MIX23: variants seen among roughly 807,000 people sequenced by gnomAD.
MIX23 encodes the protein mitochondrial matrix import factor 23.
MIX23 carries 13 observed loss-of-function variants against 21.6 expected under a neutral mutation model. The ratio of observed to expected loss-of-function variants is 0.60; its 90% CI spans 0.39 to 0.96. The LOEUF (loss-of-function observed/expected upper bound fraction) is 0.96, where lower values mean the gene tolerates loss of function less well. Ranked by LOEUF, MIX23 falls within the 40% of genes least tolerant of loss-of-function variation. The probability of loss-of-function intolerance (pLI) is 0.00; values close to 1 mark genes in which losing one functional copy is unlikely to be tolerated. For missense variants in MIX23, 144 were observed against 171.2 expected (o/e 0.84, Z 0.89); for synonymous variants, 59 against 58.0 (o/e 1.02, Z -0.08).
intron 3 of MIX23, among the ~76,000 whole-genome samples, chr3:122,367,250 C>T (rs145912224): frequency 8.2e-4 from 125 of 152,074 alleles, no homozygotes; most frequent in African/African-American, 2.9e-3. Flanking sequence ...AGGTAAAGGG[C>T]ACATGGGAGT....
chr3:122,363,125 C>T (rs1178630218), intron 3 of MIX23, 98 bp from the exon 4 acceptor site: 16 of 903,380 alleles, frequency 1.8e-5, no homozygotes, highest in African/African-American at 3.4e-5. Flanking sequence ...CTCATGTTTA[C>T]CCAACAAAAC....
intron 1 of MIX23, among the ~76,000 whole-genome samples, chr3:122,377,177 T>A (rs544136066): frequency 6.6e-6 from 1 of 152,126 alleles, no homozygotes; most frequent in Non-Finnish European, 1.5e-5. Flanking sequence ...CGAGACTCCA[T>A]CTCCGAAAAG....
At chr3:122,364,654 A>G (rs1341611066) in intron 3 of MIX23, among the ~76,000 whole-genome samples, 2 of 152,204 alleles carry the variant, frequency 1.3e-5, no homozygotes, top group Non-Finnish European at 2.9e-5. Context: ...GAGACAGGGA[A>G]TCCTCCCCTG....
rs2075442548 is a variant in MIX23, at chr3:122,371,660, A to C, written c.177+15T>G. The stretch of plus-strand genomic sequence containing the variant: ...AAGGCATGAAAGAAGCAAAAGACTC[A>C]AAAAATACACTTACAGACTCATAAA... On this transcript the variant is annotated intron_variant, in intron 2 of 4. Coordinates refer to ENST00000291458, the MANE Select transcript of MIX23 (RefSeq NM_001017928.4). 2 of 1,610,876 alleles carry C rather than the reference A, an allele frequency of 1.2e-6. No homozygotes were observed. Among genetic ancestry groups the C allele is most frequent in the South Asian group, 2.2e-5 (2 of 90,802 alleles).
chr3:122,368,151 G>C, intron 3 of MIX23, 25 bp downstream of exon 3: 1 of 1,606,296 alleles, frequency 6.2e-7, no homozygotes, highest in Non-Finnish European at 8.5e-7. Flanking sequence ...CTTTGCCTGA[G>C]AAATGTTAAT....
At chr3:122,364,034 A>G (rs1206172694) in intron 3 of MIX23, among the ~76,000 whole-genome samples, 1 of 152,204 alleles carries the variant, frequency 6.6e-6, no homozygotes, top group Non-Finnish European at 1.5e-5. Context: ...CAGATTTGGG[A>G]ACAAAATGTC....
intron 4 of MIX23, 57 bp downstream of exon 4, chr3:122,362,911 C>T: frequency 6.9e-7 from 1 of 1,449,568 alleles, no homozygotes; most frequent in Non-Finnish European, 9.6e-7. Flanking sequence ...CCTTGGTTTC[C>T]CTTTGCTAGT....
intron 2 of MIX23, 34 bp downstream of exon 2, chr3:122,371,641 T>C (rs375667669): frequency 1.5e-5 from 24 of 1,609,244 alleles, no homozygotes; most frequent in Non-Finnish European, 1.7e-5. Flanking sequence ...AAGAAAGGCA[T>C]GAAAGAAGCA....
chr3:122,374,181 G>C (rs754441347), intron 1 of MIX23, among the ~76,000 whole-genome samples: 3 of 148,038 alleles, frequency 2.0e-5, no homozygotes, highest in Non-Finnish European at 3.0e-5. Flanking sequence ...AAACTGAACT[G>C]ATCTTCTGAG....
At chr3:122,362,258 A>G (rs1464980524) in intron 4 of MIX23, among the ~76,000 whole-genome samples, 2 of 152,192 alleles carry the variant, frequency 1.3e-5, no homozygotes, top group Admixed American at 6.5e-5. Flanking sequence ...GAAGACAAGC[A>G]ACCGTATAGG....
At chr3:122,360,031 T>A in intron 4 of MIX23, 112 bp from the exon 5 acceptor site, 2 of 1,059,098 alleles carry the variant, frequency 1.9e-6, no homozygotes, top group Non-Finnish European at 2.8e-6. Flanking sequence ...TTGTCCTAAG[T>A]CAACAGATTT....
intron 1 of MIX23, among the ~76,000 whole-genome samples, chr3:122,374,530 C>T (rs1422852106): frequency 6.6e-6 from 1 of 152,190 alleles, no homozygotes; most frequent in Middle Eastern, 3.2e-3. Context: ...GTGTTAGTTA[C>T]ACTGTATTGT....
chr3:122,369,464 C>G (rs1429638347), intron 2 of MIX23, among the ~76,000 whole-genome samples: 1 of 152,210 alleles, frequency 6.6e-6, no homozygotes, highest in African/African-American at 2.4e-5. Flanking sequence ...TGCTTCTTGA[C>G]TGACATAATA....
At chr3:122,376,834 G>C (rs939070949) in intron 1 of MIX23, among the ~76,000 whole-genome samples, 9 of 152,112 alleles carry the variant, frequency 5.9e-5, no homozygotes, top group Admixed American at 3.3e-4. Context: ...GGAGGAAGGT[G>C]GGGGGTGAAA....
Position 122,368,268 on chromosome 3 carries a change from T to A in MIX23, c.232A>T (p.Thr78Ser). Reference protein sequence around the residue: ...DRVIKNCIAQTSAVVKNLREE... With the variant: ...DRVIKNCIAQSSAVVKNLREE... ...CGGAGGTTTTTTACTACTGCTGAAG[T>A]CTGGGCTATACAGTTTTTTATGACT... The change falls in exon 3 of 5, where the codon ACT becomes TCT. Residue 78 changes from threonine to serine, a missense_variant. Physicochemically the swap from Thr to Ser is moderately conservative, Grantham distance 58. Coordinates refer to ENST00000291458, the MANE Select transcript of MIX23 (RefSeq NM_001017928.4). The A allele has an allele frequency of 6.2e-7, 1 of 1,610,388 alleles. No homozygotes were observed. The highest frequency in any genetic ancestry group is 1.1e-5 in the South Asian group (1 of 91,008).
At chr3:122,371,562 C>A in intron 2 of MIX23, 113 bp downstream of exon 2, 1 of 1,227,468 alleles carries the variant, frequency 8.1e-7, no homozygotes, top group Non-Finnish European at 1.2e-6. Context: ...CAGGTATAGG[C>A]AAAGAAAAGA....
At chr3:122,376,834 G>A (rs939070949) in intron 1 of MIX23, among the ~76,000 whole-genome samples, 1 of 152,112 alleles carries the variant, frequency 6.6e-6, no homozygotes, top group Admixed American at 6.6e-5. Context: ...GGAGGAAGGT[G>A]GGGGGTGAAA....
chr3:122,372,263 AT>A (rs2075447640), intron 1 of MIX23, among the ~76,000 whole-genome samples: 1 of 151,666 alleles, frequency 6.6e-6, no homozygotes, highest in African/African-American at 2.4e-5. Flanking sequence ...CAGAAAAATA[AT>A]ATCAAAAGGG....
rs955174578 is a variant in MIX23, at chr3:122,362,895, C to G, written c.384+73G>C. On this transcript the variant is annotated intron_variant, in intron 4 of 4. Coordinates refer to ENST00000291458, the MANE Select transcript of MIX23 (RefSeq NM_001017928.4). ...TACAGCCTCAAGGCACTCTTTACTC[C>G]CCCTCCCTTGGTTTCCCTTTGCTAG... 100 of 1,205,564 alleles carry G rather than the reference C, an allele frequency of 8.3e-5. No homozygotes were observed. The African/African-American group carries it at 1.3e-3, about 16-fold the overall frequency. 74.7% of individuals were successfully genotyped at this position (1,205,564 alleles called of 1,614,324 possible).
Sources: gnomAD v4.1 joint callset for allele counts (sites outside exome capture counted in the v4.1 genomes callset) on GRCh38, gnomAD v4.1.1 for gene constraint, MANE v1.5 for transcripts, NCBI Gene and HGNC (gene_info 2026-07-23, HGNC 2026-07-21) for gene names.